Variants in OSBPL3 observed in about 807,000 individuals in gnomAD.
The protein encoded by OSBPL3 is oxysterol binding protein like 3, also known as oxysterol-binding protein-related protein 3.
Under a neutral mutation model 120.1 loss-of-function variants are expected in OSBPL3, and 65 were observed. That is an observed-to-expected ratio of 0.54 (90% CI 0.44 to 0.67). OSBPL3 has a LOEUF of 0.67. OSBPL3 is among the 30% of genes least tolerant of loss of function. The pLI is 0.00. For synonymous variants in OSBPL3, 416 were observed against 402.6 expected (o/e 1.03, Z -0.40); for missense variants, 1,004 against 1,082.1 (o/e 0.93, Z 1.01).
chr7:24,887,422 A>G (rs943447032), intron 2 of OSBPL3, among the ~76,000 whole-genome samples: 3 of 152,206 alleles, frequency 2.0e-5, no homozygotes, highest in African/African-American at 7.2e-5. Context: ...TGCTTCCAGA[A>G]CTGGCCAAAG....
In OSBPL3 at chr7:24,800,152, T is replaced by C; in HGVS notation, c.*31A>G. Reference sequence around the variant, plus strand: ...CTTCAGAAGGCAAGCACAGGAGAAATACACTAATGTTATCTTTCTTCTTTA... The same window carrying C: ...CTTCAGAAGGCAAGCACAGGAGAAACACACTAATGTTATCTTTCTTCTTTA... On this transcript the variant is annotated 3_prime_UTR_variant, in exon 23 of 23. Coordinates refer to ENST00000313367, the MANE Select transcript of OSBPL3 (RefSeq NM_015550.4). The C allele has an allele frequency of 1.6e-6, 2 of 1,238,136 alleles. No individual in the cohort carries two copies. Among genetic ancestry groups the C allele is most frequent in the South Asian group, 2.4e-5 (2 of 83,116 alleles). 76.7% of individuals were successfully genotyped at this position (1,238,136 alleles called of 1,614,324 possible). A position where few individuals can be genotyped will look rare whatever the true frequency, so the allele number is the denominator to read the frequency against.
rs1812035057 is a variant in OSBPL3, at chr7:24,933,474, GGA to G, written c.-149-40855_-149-40854del. Among the ~76,000 whole-genome samples, 1 of 152,026 alleles carries G rather than the reference GGA, an allele frequency of 6.6e-6. No individual in the cohort carries two copies. The highest frequency in any genetic ancestry group is 2.1e-4 in the South Asian group (1 of 4,816). ...ATATTTAAAAAGATGCCCAACATCA[GGA>G]GAACAAAAAAAATCCAGAAAAACAT... On this transcript the variant is annotated intron_variant, in intron 1 of 22. Coordinates refer to ENST00000313367, the MANE Select transcript of OSBPL3 (RefSeq NM_015550.4). The surrounding 1 kb of genome is among the most constrained non-coding windows in gnomAD (Gnocchi z 5.1).
chr7:24,828,368 T>C (rs1427912650), intron 16 of OSBPL3, among the ~76,000 whole-genome samples: 1 of 152,116 alleles, frequency 6.6e-6, no homozygotes, highest in Non-Finnish European at 1.5e-5. Flanking sequence ...CCCAGCACTT[T>C]GGGAGGCCAA....
chr7:24,815,238 T>C lies in OSBPL3; in HGVS notation c.2028-35A>G, dbSNP rs771666420. On this transcript the variant is annotated intron_variant, in intron 18 of 22. Transcript: ENST00000313367. The surrounding 1 kb of genome is among the most constrained non-coding windows in gnomAD (Gnocchi z 5.1). The stretch of plus-strand genomic sequence containing the variant: ...AGGAAAAAGTAGAAGTACCAATTTC[T>C]AGAAGAGCCAGCAGCAAATGCAAAC... The C allele has an allele frequency of 6.3e-7, 1 of 1,586,472 alleles. No homozygotes were observed. The highest frequency in any genetic ancestry group is 8.6e-7 in the Non-Finnish European group (1 of 1,159,634).
At chr7:24,905,049 C>G (rs1807689869) in intron 1 of OSBPL3, among the ~76,000 whole-genome samples, 2 of 151,230 alleles carry the variant, frequency 1.3e-5, no homozygotes, top group Non-Finnish European at 2.9e-5. Context: ...GCCTGGAGGA[C>G]TGGTATCAGG....
At position 24,863,181 on chromosome 7, in the gene OSBPL3, CA is replaced by C. The variant is rs752376309; in HGVS notation, c.870+18del. The stretch of plus-strand genomic sequence containing the variant: ...AGGGCCAATGAAGAAACCAGTCTGT[CA>C]GGGGAAGCAATGGTTACCTGCAGTG... On this transcript the variant is annotated intron_variant, in intron 9 of 22. Coordinates refer to ENST00000313367, the MANE Select transcript of OSBPL3 (RefSeq NM_015550.4). This position sits in a 1 kb window ranked among gnomAD's most constrained non-coding sequence, Gnocchi z 5.8. 55 of 1,588,034 alleles carry C rather than the reference CA, an allele frequency of 3.5e-5. No homozygotes were observed. In the South Asian group the frequency reaches 5.9e-4, roughly 17 times the overall value.
chr7:24,931,283 G>A (rs1042541851), intron 1 of OSBPL3, among the ~76,000 whole-genome samples: 2 of 152,160 alleles, frequency 1.3e-5, no homozygotes, highest in Admixed American at 6.6e-5. Context: ...TATAAGTTAT[G>A]TGCCTGTCTG....
rs539647516 is a variant in OSBPL3, at chr7:24,817,964, A to T, written c.1949-1276T>A. Reference sequence around the variant, plus strand: ...ATCCCATCTGGCTGCTGCACTGAGGATCTACAGATCACAGGGAAATCAGGG... The same window carrying T: ...ATCCCATCTGGCTGCTGCACTGAGGTTCTACAGATCACAGGGAAATCAGGG... On this transcript the variant is annotated intron_variant, in intron 17 of 22. Coordinates refer to ENST00000313367, the MANE Select transcript of OSBPL3 (RefSeq NM_015550.4). The surrounding 1 kb of genome is among the most constrained non-coding windows in gnomAD (Gnocchi z 4.0). Among the ~76,000 whole-genome samples the T allele has an allele frequency of 6.6e-6, 1 of 152,312 alleles. No individual in the cohort carries two copies. Among genetic ancestry groups the T allele is most frequent in the East Asian group, 1.9e-4 (1 of 5,190 alleles).
chr7:24,825,963 T>C (rs1795656651), intron 16 of OSBPL3, among the ~76,000 whole-genome samples: 1 of 152,238 alleles, frequency 6.6e-6, no homozygotes, highest in African/African-American at 2.4e-5. Context: ...AACTAAAGTT[T>C]CATGTAATTA....
In OSBPL3 at chr7:24,802,522, T is replaced by C. The variant is rs1213843596; in HGVS notation, c.2567+1793A>G. ...CATTCCAGACACAATTCCTTCCTGATTGCAATGACAGCATAATCACATTCT... is the reference window on the plus strand; with the variant it reads ...CATTCCAGACACAATTCCTTCCTGACTGCAATGACAGCATAATCACATTCT... On this transcript the variant is annotated intron_variant, in intron 22 of 22. Transcript: ENST00000313367. This position sits in a 1 kb window ranked among gnomAD's most constrained non-coding sequence, Gnocchi z 4.1. 6.6e-6 allele frequency among the ~76,000 whole-genome samples: 1 copy of C among 152,238 alleles called. No individual in the cohort carries two copies. Among genetic ancestry groups the C allele is most frequent in the Admixed American group, 6.5e-5 (1 of 15,286 alleles).
chr7:24,981,563 C>T (rs1818364928), upstream of OSBPL3: 1 of 152,378 alleles, frequency 6.6e-6, no homozygotes, highest in Non-Finnish European at 1.5e-5. The surrounding 1 kb of genome is among the most constrained non-coding windows in gnomAD (Gnocchi z 7.3). Flanking sequence ...CTTTCCGGAG[C>T]TATTCTGTTC....
chr7:24,904,960 T>A (rs995911531), intron 1 of OSBPL3, among the ~76,000 whole-genome samples: 3 of 145,968 alleles, frequency 2.1e-5, no homozygotes, highest in Non-Finnish European at 4.5e-5. Context: ...TGTGTGTGTG[T>A]GAATAAAGTT....
intron 2 of OSBPL3, among the ~76,000 whole-genome samples, chr7:24,887,797 T>G (rs1403862223): frequency 6.6e-6 from 1 of 152,192 alleles, no homozygotes; most frequent in Non-Finnish European, 1.5e-5. Context: ...AGCTGCAAAG[T>G]CCTTCTTAAC....
In OSBPL3 at chr7:24,819,300, C is replaced by T. The variant is rs1794836089; in HGVS notation, c.1948+875G>A. Among the ~76,000 whole-genome samples the T allele has an allele frequency of 6.6e-6, 1 of 151,128 alleles. No individual in the cohort carries two copies. The highest frequency in any genetic ancestry group is 2.4e-5 in the African/African-American group (1 of 41,106). On this transcript the variant is annotated intron_variant, in intron 17 of 22. Coordinates refer to ENST00000313367, the MANE Select transcript of OSBPL3 (RefSeq NM_015550.4). The surrounding 1 kb of genome is among the most constrained non-coding windows in gnomAD (Gnocchi z 4.1). ...CTTTTGAAAAAACAAAGAAGAGGTG[C>T]TTATAGCATGAGTGAGATTTACCAA...
chr7:24,844,020 A>G (rs981305637), intron 12 of OSBPL3, among the ~76,000 whole-genome samples: 2 of 152,176 alleles, frequency 1.3e-5, no homozygotes, highest in South Asian at 2.1e-4. Flanking sequence ...GATGGGTCCA[A>G]AGATTTCCTG....
Position 24,946,364 on chromosome 7 carries a change from C to T in OSBPL3, c.-150+33522G>A, listed in dbSNP as rs565664669. 8.0e-4 allele frequency among the ~76,000 whole-genome samples: 121 copies of T among 152,174 alleles called. No individual in the cohort carries two copies. The highest frequency in any genetic ancestry group is 1.5e-3 in the Non-Finnish European group (100 of 67,998). On this transcript the variant is annotated intron_variant, in intron 1 of 22. Transcript: ENST00000313367. This position sits in a 1 kb window ranked among gnomAD's most constrained non-coding sequence, Gnocchi z 4.3. ...TTTTATTGGTTGGAGCAGACACAAA[C>T]CAACTCGTATTTAAGAGAAGGGTAC...
chr7:24,979,500 C>T (rs890247028), intron 1 of OSBPL3, among the ~76,000 whole-genome samples: 3 of 152,282 alleles, frequency 2.0e-5, no homozygotes, highest in African/African-American at 7.2e-5. Context: ...TCGCGCTCGC[C>T]CCAATTTACC....
rs1792132098 is a variant in OSBPL3, at chr7:24,800,251, T to C, written c.2596A>G (p.Asn866Asp). The C allele has an allele frequency of 6.2e-7, 1 of 1,611,936 alleles. No individual in the cohort carries two copies. The highest frequency in any genetic ancestry group is 1.3e-5 in the African/African-American group (1 of 74,862). Residue 866 changes from asparagine to aspartate, a missense_variant, in exon 23 of 23, where the codon AAC (asparagine) becomes GAC (aspartate). Asn to Asp is a conservative substitution (Grantham distance 23). Coordinates refer to ENST00000313367, the MANE Select transcript of OSBPL3 (RefSeq NM_015550.4). ...RKSDDDSWVS[N>D]GTYLELRKDL... is the part of the protein sequence containing the mutation. Reference sequence around the variant, plus strand: ...TTTCTAAGTTCCAAATAGGTGCCGTTGCTCACCCAAGAGTCATCGTCGGAT... The same window carrying C: ...TTTCTAAGTTCCAAATAGGTGCCGTCGCTCACCCAAGAGTCATCGTCGGAT...
At position 24,827,503 on chromosome 7, in the gene OSBPL3, G is replaced by A. The variant is rs1487626607; in HGVS notation, c.1884+3265C>T. On this transcript the variant is annotated intron_variant, in intron 16 of 22. Transcript: ENST00000313367. The surrounding 1 kb of genome is among the most constrained non-coding windows in gnomAD (Gnocchi z 5.1). ...AATCACATAGCTGCATCTTCACACT[G>A]TATGCTCACTTAGGATTCTCATTGG... 1.3e-5 allele frequency among the ~76,000 whole-genome samples: 2 copies of A among 152,230 alleles called. No individual in the cohort carries two copies. Among genetic ancestry groups the A allele is most frequent in the Non-Finnish European group, 2.9e-5 (2 of 68,040 alleles).
Sources: allele counts gnomAD v4.1 joint callset (sites outside exome capture counted in the v4.1 genomes callset), GRCh38; gene constraint gnomAD v4.1.1; non-coding constraint Gnocchi (gnomAD v3.1); transcripts MANE v1.5; gene names NCBI Gene and HGNC (gene_info 2026-07-23, HGNC 2026-07-21).